Variants in NTN1 observed in about 807,000 individuals in gnomAD.
The protein encoded by NTN1 is netrin-1.
In NTN1, 11 loss-of-function variants were observed where a neutral mutation model predicts 54.2. That is an observed-to-expected ratio of 0.20 (90% CI 0.13 to 0.34). NTN1 has a LOEUF of 0.34. NTN1 is among the 10% of genes least tolerant of loss of function. NTN1 has a pLI of 1.00. For missense variants in NTN1, 740 were observed against 893.1 expected (o/e 0.83, Z 2.18); for synonymous variants, 371 against 382.0 (o/e 0.97, Z 0.33).
chr17:9,017,072 T>A (rs920522599), upstream of NTN1, among the ~76,000 whole-genome samples: 1 of 152,188 alleles, frequency 6.6e-6, no homozygotes, highest in Non-Finnish European at 1.5e-5. Flanking sequence ...CCACCAGTTT[T>A]ACAAGCATAG....
chr17:9,234,492 A>G (rs1905915168), intron 6 of NTN1, among the ~76,000 whole-genome samples: 1 of 152,206 alleles, frequency 6.6e-6, no homozygotes, highest in African/African-American at 2.4e-5. Context: ...TCCCTTGGGC[A>G]TCTTTTCTAG....
the NTN1 span, among the ~76,000 whole-genome samples, chr17:9,004,615 C>G: frequency 6.6e-6 from 1 of 152,232 alleles, no homozygotes; most frequent in Non-Finnish European, 1.5e-5. Flanking sequence ...CGCCGCAGCC[C>G]TAATCCAGAG....
At chr17:9,041,715 G>A (rs1290097445) in intron 2 of NTN1, among the ~76,000 whole-genome samples, 1 of 152,086 alleles carries the variant, frequency 6.6e-6, no homozygotes, top group Non-Finnish European at 1.5e-5. Flanking sequence ...TGGGTTATAA[G>A]ACAACTATCT....
intron 5 of NTN1, among the ~76,000 whole-genome samples, chr17:9,201,750 C>T (rs538101152): frequency 5.3e-5 from 8 of 152,072 alleles, no homozygotes; most frequent in Admixed American, 6.6e-5. Flanking sequence ...GATTCTCTCA[C>T]GCCAGTTCCC....
intron 6 of NTN1, among the ~76,000 whole-genome samples, chr17:9,229,118 CTG>C (rs571359816): frequency 1.2e-3 from 182 of 145,796 alleles, no homozygotes; most frequent in African/African-American, 4.5e-3. Context: ...GAGTGTGTGA[CTG>C]TGTTACTGTG....
intron 2 of NTN1, among the ~76,000 whole-genome samples, chr17:9,044,623 G>A (rs2091935391): frequency 1.3e-5 from 2 of 152,076 alleles, no homozygotes; most frequent in African/African-American, 2.4e-5. Context: ...GTGTTCCGCA[G>A]GAATTGAAGA....
At chr17:9,230,391 C>T (rs1366401506) in intron 6 of NTN1, among the ~76,000 whole-genome samples, 1 of 152,130 alleles carries the variant, frequency 6.6e-6, no homozygotes, top group East Asian at 1.9e-4. Flanking sequence ...GACTTGCTGA[C>T]CCTTCCCTGG....
At chr17:9,163,497 C>T (rs141129871) in intron 3 of NTN1, among the ~76,000 whole-genome samples, 1 of 16,000 alleles carries the variant, frequency 6.3e-5, no homozygotes, top group Admixed American at 7.4e-4. Flanking sequence ...CACACACACA[C>T]ACACACACAC....
chr17:9,013,776 C>G, the NTN1 span, among the ~76,000 whole-genome samples: 3 of 152,154 alleles, frequency 2.0e-5, no homozygotes, highest in African/African-American at 4.8e-5. Context: ...AGAGGCCCCC[C>G]ACTATTTTCT....
chr17:9,150,888 G>T (rs936046314), intron 2 of NTN1, among the ~76,000 whole-genome samples: 1 of 152,204 alleles, frequency 6.6e-6, no homozygotes, highest in East Asian at 1.9e-4. Context: ...CCGGCACAGC[G>T]GGAGAAAGAA....
chr17:9,115,975 A>T (rs894903222), intron 2 of NTN1, among the ~76,000 whole-genome samples: 22 of 152,270 alleles, frequency 1.4e-4, no homozygotes, highest in Admixed American at 7.2e-4. Flanking sequence ...CCCCAGGGGC[A>T]GGCTGGGTGG....
intron 4 of NTN1, among the ~76,000 whole-genome samples, chr17:9,180,676 A>G (rs3785979): frequency 0.36 from 54,582 of 152,124 alleles, 10,209 homozygotes; most frequent in Middle Eastern, 0.49. Context: ...CGGACAGCCC[A>G]GGGCCTTCGA....
chr17:9,231,107 G>A (rs954262333), intron 6 of NTN1, among the ~76,000 whole-genome samples: 7 of 152,154 alleles, frequency 4.6e-5, no homozygotes, highest in African/African-American at 1.2e-4. Flanking sequence ...CGCAGAGCGC[G>A]GGTGGGCATT....
Position 9,028,934 on chromosome 17 carries a change from AT to A in NTN1, c.1018+5553del, listed in dbSNP as rs796665047. On this transcript the variant is annotated intron_variant, in intron 2 of 6. Transcript: ENST00000173229. ...AAATACGGATATTTTGTGAGCCAAT[AT>A]TTTTTTTTTCATCCTTTCAGAAGGT... Among the ~76,000 whole-genome samples, 203 of 150,248 alleles carry A rather than the reference AT, an allele frequency of 1.4e-3. 5 individuals are homozygous for A. Among genetic ancestry groups the A allele is most frequent in the East Asian group, 0.012 (62 of 5,130 alleles).
intron 5 of NTN1, among the ~76,000 whole-genome samples, chr17:9,217,029 G>A (rs1905230250): frequency 6.6e-6 from 1 of 151,464 alleles, no homozygotes; most frequent in Non-Finnish European, 1.5e-5. Context: ...ATGACAGACA[G>A]GGCATGACTC....
intron 2 of NTN1, among the ~76,000 whole-genome samples, chr17:9,068,851 G>A (rs2092024027): frequency 6.6e-6 from 1 of 152,052 alleles, no homozygotes; most frequent in African/African-American, 2.4e-5. Context: ...AGACCCTTGG[G>A]AGGGAACAGT....
intron 5 of NTN1, among the ~76,000 whole-genome samples, chr17:9,198,228 T>A (rs940593031): frequency 6.6e-6 from 1 of 152,210 alleles, no homozygotes; most frequent in Non-Finnish European, 1.5e-5. Context: ...AAGTCTAGCC[T>A]CAGCCTGATC....
At chr17:9,223,124 C>T (rs963588800) in intron 6 of NTN1, among the ~76,000 whole-genome samples, 13 of 152,212 alleles carry the variant, frequency 8.5e-5, no homozygotes, top group African/African-American at 2.7e-4. Context: ...AAGCTGTATA[C>T]ATCCCAGGGC....
At chr17:9,013,125 G>A in the NTN1 span, among the ~76,000 whole-genome samples, 33 of 152,070 alleles carry the variant, frequency 2.2e-4, no homozygotes, top group African/African-American at 7.5e-4. Context: ...TCCTGTGGTA[G>A]CCAGGTCTGT....
Sources: allele counts gnomAD v4.1 joint callset (sites outside exome capture counted in the v4.1 genomes callset), GRCh38; gene constraint gnomAD v4.1.1; transcripts MANE v1.5; gene names NCBI Gene and HGNC (gene_info 2026-07-23, HGNC 2026-07-21).